The following RNF114 variants were observed in gnomAD, a reference collection of about 807,000 sequenced individuals.
RNF114 encodes E3 ubiquitin-protein ligase RNF114.
A neutral mutation model predicts 28.4 loss-of-function variants in RNF114; 6 were observed. That is an observed-to-expected ratio of 0.21 (90% CI 0.12 to 0.42). RNF114 has a LOEUF of 0.42. Ranked by LOEUF, RNF114 falls within the 10% of genes least tolerant of loss-of-function variation. The probability of loss-of-function intolerance (pLI) is 1.00; values close to 1 mark genes in which losing one functional copy is unlikely to be tolerated. For synonymous variants in RNF114, 115 were observed against 116.7 expected (o/e 0.99, Z 0.09); for missense variants, 249 against 311.7 (o/e 0.80, Z 1.51).
At chr20:49,937,018 A>G (rs993200103) in intron 1 of RNF114, among the ~76,000 whole-genome samples, 1 of 152,148 alleles carries the variant, frequency 6.6e-6, no homozygotes, top group Admixed American at 6.5e-5. Flanking sequence ...CTAAAACAAC[A>G]AAAGGGAAGT....
chr20:49,941,357 T>G, intron 1 of RNF114: 35 of 492,224 alleles, frequency 7.1e-5, no homozygotes, highest in Non-Finnish European at 8.5e-5. Context: ...GGAGTTTGCA[T>G]TTGTTTCTGT....
chr20:49,945,794 T>C (rs762804263), intron 3 of RNF114, among the ~76,000 whole-genome samples: 3 of 152,210 alleles, frequency 2.0e-5, no homozygotes, highest in Non-Finnish European at 4.4e-5. Flanking sequence ...ACCTCCCAAG[T>C]AGCTGGGATT....
rs768653137 is a variant in RNF114, at chr20:49,936,431, G to C, written c.19G>C (p.Asp7His). Residue 7 changes from aspartate to histidine, a missense_variant, in exon 1 of 6, where the codon GAC (aspartate) becomes CAC (histidine). Transcript: ENST00000244061. Reference sequence around the variant, plus strand: ...CAGCAAGATGGCGGCGCAACAGCGGGACTGCGGGGGTGCTGCGCAGCTGGC... The same window carrying C: ...CAGCAAGATGGCGGCGCAACAGCGGCACTGCGGGGGTGCTGCGCAGCTGGC... MAAQQR[D>H]CGGAAQLAGP... 7.2e-6 allele frequency: 11 copies of C among 1,530,922 alleles called. No homozygotes were observed. In the South Asian group the frequency reaches 1.1e-4, roughly 15 times the overall value. The allele number at this position is 1,530,922 out of a possible 1,614,324, so 94.8% of individuals were successfully genotyped here.
In RNF114 at chr20:49,936,482, C is replaced by G; in HGVS notation, c.70C>G (p.Leu24Val). The G allele has an allele frequency of 6.4e-7, 1 of 1,563,716 alleles. No individual in the cohort carries two copies. The highest frequency in any genetic ancestry group is 2.4e-5 in the East Asian group (1 of 41,214). Residue 24 changes from leucine to valine, a missense_variant, in exon 1 of 6, where the codon CTA becomes GTA. Transcript: ENST00000244061. The part of the protein sequence containing the change: ...LAGPAAEADP[L>V]GRFTCPVCLE... ...GGGGCCGGCGGCGGAGGCTGACCCC[C>G]TAGGACGCTTCACGTGTCCCGTGTG...
Position 49,939,698 on chromosome 20 carries a change from T to A in RNF114, c.141-1863T>A, listed in dbSNP as rs74858213. Among the ~76,000 whole-genome samples, 653 of 151,850 alleles carry A rather than the reference T, an allele frequency of 4.3e-3. 4 individuals carry two copies. Among genetic ancestry groups the A allele is most frequent in the African/African-American group, 0.015 (631 of 41,376 alleles). On this transcript the variant is annotated intron_variant, in intron 1 of 5. Transcript: ENST00000244061. Reference sequence around the variant, plus strand: ...TGCTTCAGTCAGACCCTCACAATCCTCTGCCTTTAGCCATCTGTTTGGTTT... The same window carrying A: ...TGCTTCAGTCAGACCCTCACAATCCACTGCCTTTAGCCATCTGTTTGGTTT...
chr20:49,944,126 T>C (rs1348295771), intron 2 of RNF114: 1 of 151,912 alleles, frequency 6.6e-6, no homozygotes, highest in Admixed American at 6.6e-5. Context: ...TGGAGTGCAA[T>C]TGCGTGGTCT....
chr20:49,944,503 TTTC>T (rs2090321007), intron 2 of RNF114: 1 of 152,246 alleles, frequency 6.6e-6, no homozygotes, highest in Non-Finnish European at 1.5e-5. Flanking sequence ...TAAAACTTTC[TTTC>T]TTTTTAGAAA....
chr20:49,943,517 A>G (rs2090315532), intron 2 of RNF114, among the ~76,000 whole-genome samples: 1 of 152,106 alleles, frequency 6.6e-6, no homozygotes, highest in Non-Finnish European at 1.5e-5. Context: ...TTTGTAGCTT[A>G]AAGTCAAGTT....
At position 49,953,293 on chromosome 20, in the gene RNF114, G is replaced by GAAACTTGC. The variant is rs1568922779; in HGVS notation, c.*1153_*1160dup. The stretch of plus-strand genomic sequence containing the variant: ...CAGTTGTTAATAAAAGCTGTTGCTG[G>GAAACTTGC]AAACTTGCTTTAGGAACAGCTCAAG... On this transcript the variant is annotated 3_prime_UTR_variant, in exon 6 of 6. Coordinates refer to ENST00000244061, the MANE Select transcript of RNF114 (RefSeq NM_018683.4). 6.6e-6 allele frequency: 1 copy of GAAACTTGC among 152,244 alleles called. No individual in the cohort carries two copies. The highest frequency in any genetic ancestry group is 1.9e-4 in the East Asian group (1 of 5,184). The allele number at this position is 152,244 out of a possible 1,614,324, so 9.4% of individuals were successfully genotyped here.
rs766711493 is a variant in RNF114, at chr20:49,936,409, C to G, written c.-4C>G. On this transcript the variant is annotated 5_prime_UTR_variant, in exon 1 of 6. Coordinates refer to ENST00000244061, the MANE Select transcript of RNF114 (RefSeq NM_018683.4). Reference sequence around the variant, plus strand: ...GCCGTTGCGCGGCGCAGAGCGGCAGCAAGATGGCGGCGCAACAGCGGGACT... The same window carrying G: ...GCCGTTGCGCGGCGCAGAGCGGCAGGAAGATGGCGGCGCAACAGCGGGACT... 1 of 1,503,936 alleles carries G rather than the reference C, an allele frequency of 6.6e-7. No individual in the cohort carries two copies. Among genetic ancestry groups the G allele is most frequent in the African/African-American group, 1.4e-5 (1 of 69,134 alleles). The allele number at this position is 1,503,936 out of a possible 1,614,324, so 93.2% of individuals were successfully genotyped here.
At chr20:49,947,297 A>AGT (rs1460288173) in intron 4 of RNF114, among the ~76,000 whole-genome samples, 1 of 140,786 alleles carries the variant, frequency 7.1e-6, no homozygotes, top group Non-Finnish European at 1.5e-5. Flanking sequence ...TGATTGACAG[A>AGT]CCAGGTCTTT....
chr20:49,946,260 CTTTTTT>C lies in RNF114; in HGVS notation c.513+20_513+25del. ...GGATACCAAATCTGTGGTGAGTAAC[CTTTTTT>C]TTTTTTTTTAAACTTCATTAAGGGA... On this transcript the variant is annotated intron_variant, in intron 4 of 5. Coordinates refer to ENST00000244061, the MANE Select transcript of RNF114 (RefSeq NM_018683.4). 9.3e-7 allele frequency: 1 copy of C among 1,080,370 alleles called. No homozygotes were observed. The highest frequency in any genetic ancestry group is 1.3e-6 in the Non-Finnish European group (1 of 755,610). The allele number at this position is 1,080,370 out of a possible 1,614,324, so 66.9% of individuals were successfully genotyped here. A position where few individuals can be genotyped will look rare whatever the true frequency, so the allele number is the denominator to read the frequency against.
chr20:49,936,429 G>T lies in RNF114; in HGVS notation c.17G>T (p.Arg6Leu). ...GGCAGCAAGATGGCGGCGCAACAGC[G>T]GGACTGCGGGGGTGCTGCGCAGCTG... MAAQQ[R>L]DCGGAAQLAG... is the part of the protein sequence containing the mutation. The change falls in exon 1 of 6, where the codon CGG (arginine) becomes CTG (leucine). Residue 6 changes from arginine to leucine, a missense_variant. Physicochemically the swap from Arg to Leu is moderately radical, Grantham distance 102. This residue lies in a region of RNF114 where 123 missense variants were observed against 106.4 expected (regional missense o/e 1.16). Transcript: ENST00000244061. 2 of 1,522,648 alleles carry T rather than the reference G, an allele frequency of 1.3e-6. No individual in the cohort carries two copies. Among genetic ancestry groups the T allele is most frequent in the East Asian group, 2.7e-5 (1 of 36,804 alleles). The allele number at this position is 1,522,648 out of a possible 1,614,324, so 94.3% of individuals were successfully genotyped here.
At chr20:49,941,451 C>A in intron 1 of RNF114, 110 bp from the exon 2 acceptor site, 1 of 1,217,564 alleles carries the variant, frequency 8.2e-7, no homozygotes, top group Non-Finnish European at 1.1e-6. Flanking sequence ...GAGGAGAGAG[C>A]AAGTTGTTTT....
Position 49,942,324 on chromosome 20 carries a change from G to A in RNF114, c.291+613G>A, listed in dbSNP as rs543960289. 5.3e-5 allele frequency among the ~76,000 whole-genome samples: 8 copies of A among 152,262 alleles called. No individual in the cohort carries two copies. In the East Asian group the frequency reaches 1.2e-3, roughly 22 times the overall value. On this transcript the variant is annotated intron_variant, in intron 2 of 5. Coordinates refer to ENST00000244061, the MANE Select transcript of RNF114 (RefSeq NM_018683.4). Reference sequence around the variant, plus strand: ...TAGCTAACATTTGAAATGCATCCATGCTCTTGTATAATCAGAGTCAAGTAT... The same window carrying A: ...TAGCTAACATTTGAAATGCATCCATACTCTTGTATAATCAGAGTCAAGTAT...
chr20:49,943,632 T>C (rs2090315920), intron 2 of RNF114, among the ~76,000 whole-genome samples: 4 of 142,808 alleles, frequency 2.8e-5, no homozygotes, highest in Admixed American at 2.1e-4. Context: ...AATATTGAAA[T>C]ACAATTCCCT....
intron 5 of RNF114, among the ~76,000 whole-genome samples, chr20:49,950,402 C>T (rs2090350906): frequency 6.6e-6 from 1 of 151,848 alleles, no homozygotes; most frequent in African/African-American, 2.4e-5. Flanking sequence ...GGGACAGGTG[C>T]GGTGCAGTGG....
intron 2 of RNF114, chr20:49,945,124 A>G: frequency 3.0e-6 from 1 of 336,758 alleles, no homozygotes; most frequent in East Asian, 5.8e-5. Flanking sequence ...GCCTATCATG[A>G]ATAGGAGCAA....
intron 1 of RNF114, among the ~76,000 whole-genome samples, chr20:49,937,855 C>CT (rs1294589391): frequency 1.3e-5 from 2 of 152,146 alleles, no homozygotes; most frequent in African/African-American, 4.8e-5. Flanking sequence ...GTGGCCATAT[C>CT]TTTATTGCCC....
Sources: gnomAD v4.1 joint callset for allele counts (sites outside exome capture counted in the v4.1 genomes callset) on GRCh38, gnomAD v4.1.1 for gene constraint, gnomAD v4.1.1 regional missense constraint, MANE v1.5 for transcripts, NCBI Gene and HGNC (gene_info 2026-07-23, HGNC 2026-07-21) for gene names.